ATP8A2: variants seen among roughly 807,000 people sequenced by gnomAD.
ATP8A2 encodes the protein ATPase phospholipid transporting 8A2.
ATP8A2 carries 100 observed loss-of-function variants against 165.6 expected under a neutral mutation model. The ratio of observed to expected loss-of-function variants is 0.60; its 90% CI spans 0.51 to 0.71. ATP8A2 has a LOEUF of 0.71. Ranked by LOEUF, ATP8A2 falls within the 30% of genes least tolerant of loss-of-function variation. ATP8A2 has a pLI of 0.00. For missense variants in ATP8A2, 1,227 were observed against 1,479.5 expected (o/e 0.83, Z 2.80); for synonymous variants, 543 against 548.8 (o/e 0.99, Z 0.15).
In ATP8A2 at chr13:25,468,986, GTTC is replaced by G; in HGVS notation, c.92_94del (p.Ser31del). The G allele has an allele frequency of 6.2e-7, 1 of 1,613,980 alleles. No homozygotes were observed. The highest frequency in any genetic ancestry group is 1.6e-4 in the Middle Eastern group (1 of 6,062). ...CGCCCTGTCTCTGCAGGACCTGTTC[GTTC>G]TTCTTTGGGCTATAAGAAGGCAGAG... On this transcript the variant is annotated inframe_deletion, in exon 2 of 37. Coordinates refer to ENST00000381655, the MANE Select transcript of ATP8A2 (RefSeq NM_016529.6).
intron 35 of ATP8A2, among the ~76,000 whole-genome samples, chr13:26,000,936 G>A (rs537885283): frequency 1.3e-5 from 2 of 152,270 alleles, no homozygotes; most frequent in East Asian, 3.9e-4. Flanking sequence ...AGTTGGTAGA[G>A]TCACAGTGTT....
At chr13:25,923,359 G>A (rs1954514789) in intron 33 of ATP8A2, among the ~76,000 whole-genome samples, 1 of 152,162 alleles carries the variant, frequency 6.6e-6, no homozygotes. Context: ...CAAGACATTT[G>A]GGACAGAAAG....
chr13:25,991,323 C>T (rs1297552032), intron 35 of ATP8A2, among the ~76,000 whole-genome samples: 1 of 152,094 alleles, frequency 6.6e-6, no homozygotes, highest in Admixed American at 6.5e-5. Flanking sequence ...TAATAGAAAG[C>T]TCGCATATAC....
intron 1 of ATP8A2, among the ~76,000 whole-genome samples, chr13:25,409,723 A>G (rs2033910558): frequency 6.6e-6 from 1 of 152,210 alleles, no homozygotes; most frequent in Non-Finnish European, 1.5e-5. Flanking sequence ...TTTTGCCAGT[A>G]GAGGTAATAG....
chr13:25,603,939 T>G (rs1441108282), intron 24 of ATP8A2, among the ~76,000 whole-genome samples: 3 of 152,094 alleles, frequency 2.0e-5, no homozygotes, highest in African/African-American at 7.2e-5. Flanking sequence ...AGAAAAATAC[T>G]GAGTAATAGT....
intron 1 of ATP8A2, among the ~76,000 whole-genome samples, chr13:25,386,957 C>A (rs9553599): frequency 0.56 from 77,676 of 138,686 alleles, 23,883 homozygotes; most frequent in East Asian, 0.75. Flanking sequence ...AGATCGCGCC[C>A]TTGCACTCCA....
chr13:25,677,160 C>T (rs1396387973), intron 24 of ATP8A2, among the ~76,000 whole-genome samples: 1 of 152,110 alleles, frequency 6.6e-6, no homozygotes, highest in African/African-American at 2.4e-5. Flanking sequence ...GTCTGCTGCC[C>T]ACTGTGGTCT....
At chr13:25,987,526 A>G (rs1197275295) in intron 35 of ATP8A2, among the ~76,000 whole-genome samples, 1 of 152,216 alleles carries the variant, frequency 6.6e-6, no homozygotes, top group East Asian at 1.9e-4. Flanking sequence ...CCCTGCACTG[A>G]AGCAATGAAG....
chr13:25,961,780 TCCTGCCA>T (rs1175447350), intron 34 of ATP8A2, 117 bp downstream of exon 34: 107 of 785,244 alleles, frequency 1.4e-4, no homozygotes, highest in Middle Eastern at 9.6e-4. Context: ...GAAATGGGTC[TCCTGCCA>T]CCTGCCAGAA....
At position 25,400,370 on chromosome 13, in the gene ATP8A2, CT is replaced by C. The variant is rs145114437; in HGVS notation, c.76+28089del. On this transcript the variant is annotated intron_variant, in intron 1 of 36. Transcript: ENST00000381655. The stretch of plus-strand genomic sequence containing the variant: ...AATAAATTTTCCACTTCTTTGCTTT[CT>C]TTTTTTCTTTTATTGATACATAATA... Among the ~76,000 whole-genome samples the C allele has an allele frequency of 1.5e-3, 226 of 152,164 alleles. 2 individuals are homozygous for C. The East Asian group carries it at 0.029, about 19-fold the overall frequency.
intron 27 of ATP8A2, among the ~76,000 whole-genome samples, chr13:25,790,929 G>A (rs1270193638): frequency 6.6e-6 from 1 of 152,118 alleles, no homozygotes; most frequent in East Asian, 1.9e-4. Flanking sequence ...ATACACTGTT[G>A]GTGGGAGTGT....
intron 25 of ATP8A2, among the ~76,000 whole-genome samples, chr13:25,720,161 C>CTTTTTATTTT (rs1487910003): frequency 8.0e-6 from 1 of 124,472 alleles, no homozygotes; most frequent in African/African-American, 3.8e-5. Flanking sequence ...TAAATGTATA[C>CTTTTTATTTT]TTTTTCTTTT....
intron 15 of ATP8A2, among the ~76,000 whole-genome samples, chr13:25,562,869 T>G (rs2039200613): frequency 6.6e-6 from 1 of 152,174 alleles, no homozygotes. Context: ...TCTTGAAGGC[T>G]GAATGTTCCT....
intron 10 of ATP8A2, among the ~76,000 whole-genome samples, chr13:25,548,231 A>T (rs1314224371): frequency 2.0e-5 from 3 of 152,102 alleles, no homozygotes; most frequent in Non-Finnish European, 4.4e-5. Flanking sequence ...GTCTCCAAAA[A>T]ACAAACAAAC....
chr13:25,713,255 T>C (rs991998799), intron 25 of ATP8A2, among the ~76,000 whole-genome samples: 2 of 152,228 alleles, frequency 1.3e-5, no homozygotes, highest in Non-Finnish European at 2.9e-5. Flanking sequence ...TTTACAACTC[T>C]GTGTAACAAA....
chr13:25,571,280 G>T (rs1441613459), intron 17 of ATP8A2, among the ~76,000 whole-genome samples: 1 of 152,144 alleles, frequency 6.6e-6, no homozygotes, highest in East Asian at 1.9e-4. Context: ...CTAAAATACT[G>T]CCTTGCTCAG....
intron 2 of ATP8A2, among the ~76,000 whole-genome samples, chr13:25,523,316 A>G (rs2137858141): frequency 7.1e-6 from 1 of 141,578 alleles, no homozygotes; most frequent in East Asian, 2.0e-4. Flanking sequence ...CTCATTGCCC[A>G]GGCTGGAGTG....
chr13:25,793,733 G>A lies in ATP8A2; in HGVS notation c.2679+18774G>A, dbSNP rs117134642. ...GACATTTTGTGTTAGCCATTAACGA[G>A]ATAGCAGAGAAATCCTTTGCTATCT... is the stretch of plus-strand genomic sequence containing the variant. On this transcript the variant is annotated intron_variant, in intron 27 of 36. Coordinates refer to ENST00000381655, the MANE Select transcript of ATP8A2 (RefSeq NM_016529.6). 1.9e-3 allele frequency among the ~76,000 whole-genome samples: 296 copies of A among 152,216 alleles called. 6 individuals carry two copies. The East Asian group carries it at 0.021, about 11-fold the overall frequency.
intron 24 of ATP8A2, among the ~76,000 whole-genome samples, chr13:25,672,134 T>C (rs9581417): frequency 0.063 from 9,594 of 152,236 alleles, 588 homozygotes; most frequent in African/African-American, 0.15. Flanking sequence ...CCATCTTGGA[T>C]GGGTATCAAC....
Sources: gnomAD v4.1 joint callset for allele counts (sites outside exome capture counted in the v4.1 genomes callset) on GRCh38, gnomAD v4.1.1 for gene constraint, MANE v1.5 for transcripts, NCBI Gene and HGNC (gene_info 2026-07-23, HGNC 2026-07-21) for gene names.